DCC: variants seen among roughly 807,000 people sequenced by gnomAD.
DCC encodes the protein netrin receptor DCC.
DCC carries 58 observed loss-of-function variants against 172.5 expected under a neutral mutation model. The observed-to-expected ratio is 0.34, with a 90% CI of 0.27 to 0.42. DCC has a LOEUF of 0.42. Ranked by LOEUF, DCC falls within the 10% of genes least tolerant of loss-of-function variation. The pLI, the probability that DCC is intolerant of heterozygous loss-of-function variation, is 1.00. For missense variants in DCC, 1,740 were observed against 1,791.0 expected (o/e 0.97, Z 0.51); for synonymous variants, 709 against 644.5 (o/e 1.10, Z -1.52).
chr18:52,572,870 C>A (rs1001453711), intron 1 of DCC, among the ~76,000 whole-genome samples: 1 of 152,168 alleles, frequency 6.6e-6, no homozygotes, highest in Non-Finnish European at 1.5e-5. Context: ...GTGACTGATC[C>A]ACTTAATGTC....
At chr18:53,459,165 C>A in intron 23 of DCC, 67 bp from the exon 24 acceptor site, 1 of 1,246,238 alleles carries the variant, frequency 8.0e-7, no homozygotes, top group Non-Finnish European at 1.2e-6. Context: ...CTTGAATTGA[C>A]TGATGAAAGA....
chr18:52,670,400 A>C (rs2035530122), intron 1 of DCC, among the ~76,000 whole-genome samples: 1 of 152,208 alleles, frequency 6.6e-6, no homozygotes, highest in Non-Finnish European at 1.5e-5. Context: ...GTCTAAGTAA[A>C]ATGCTATCAC....
intron 28 of DCC, among the ~76,000 whole-genome samples, chr18:53,529,963 G>T (rs553242383): frequency 6.4e-4 from 98 of 152,182 alleles, no homozygotes; most frequent in African/African-American, 2.2e-3. Context: ...CATGAATTTT[G>T]TTTCCACACA....
At chr18:52,830,994 A>G (rs1022150534) in intron 2 of DCC, among the ~76,000 whole-genome samples, 1 of 152,128 alleles carries the variant, frequency 6.6e-6, no homozygotes, top group Admixed American at 6.5e-5. Context: ...TATAGATCTC[A>G]GGGCATAGGG....
chr18:53,444,036 T>C lies in DCC; in HGVS notation c.3230-6464T>C, dbSNP rs1471034587. Among the ~76,000 whole-genome samples, 4 of 152,326 alleles carry C rather than the reference T, an allele frequency of 2.6e-5. No individual in the cohort carries two copies. The East Asian group carries it at 7.7e-4, about 29-fold the overall frequency. On this transcript the variant is annotated intron_variant, in intron 22 of 28. Transcript: ENST00000442544. ...TGAAATCTACTGCTAGTGAAGATGT[T>C]GTGAATATTTTTGAAGTGACAATGA... is the stretch of plus-strand genomic sequence containing the variant.
chr18:52,709,995 T>A (rs1423273439), intron 1 of DCC, among the ~76,000 whole-genome samples: 2 of 152,220 alleles, frequency 1.3e-5, no homozygotes, highest in African/African-American at 4.8e-5. Flanking sequence ...CAGACCCTGG[T>A]GGTGGGATTG....
At chr18:52,359,721 T>C (rs890829776) in intron 1 of DCC, among the ~76,000 whole-genome samples, 1 of 152,220 alleles carries the variant, frequency 6.6e-6, no homozygotes, top group African/African-American at 2.4e-5. Flanking sequence ...TCTAGACTTC[T>C]TTTTATGCTA....
Position 52,629,419 on chromosome 18 carries a change from CTTAG to C in DCC, c.92-122626_92-122623del, listed in dbSNP as rs566934710. On this transcript the variant is annotated intron_variant, in intron 1 of 28. Coordinates refer to ENST00000442544, the MANE Select transcript of DCC (RefSeq NM_005215.4). ...TATGGAAATGTGGGCATTACTAAGT[CTTAG>C]TTAGTTAGAACCTTACTCAGATACT... Among the ~76,000 whole-genome samples, 24 of 152,214 alleles carry C rather than the reference CTTAG, an allele frequency of 1.6e-4. No individual in the cohort carries two copies. The South Asian group carries it at 3.1e-3, about 20-fold the overall frequency.
intron 15 of DCC, among the ~76,000 whole-genome samples, chr18:53,341,222 A>AG (rs1185077459): frequency 2.6e-5 from 4 of 152,190 alleles, no homozygotes; most frequent in African/African-American, 9.7e-5. Flanking sequence ...AGACAGAGGG[A>AG]GGGAGGTGCC....
At chr18:52,493,214 G>T (rs1289735379) in intron 1 of DCC, among the ~76,000 whole-genome samples, 1 of 151,982 alleles carries the variant, frequency 6.6e-6, no homozygotes, top group Non-Finnish European at 1.5e-5. Flanking sequence ...CAGAATGGCT[G>T]CTCCTCCCAG....
chr18:52,730,104 T>TA (rs888436342), intron 1 of DCC, among the ~76,000 whole-genome samples: 4 of 152,234 alleles, frequency 2.6e-5, no homozygotes, highest in Admixed American at 2.0e-4. Context: ...ATGATTTTTT[T>TA]AAAAAAATGA....
chr18:53,243,495 A>G (rs1249146862), intron 12 of DCC, among the ~76,000 whole-genome samples: 1 of 152,290 alleles, frequency 6.6e-6, no homozygotes, highest in Non-Finnish European at 1.5e-5. Flanking sequence ...CTAACAAATG[A>G]GATGAGGCAG....
intron 1 of DCC, among the ~76,000 whole-genome samples, chr18:52,489,078 T>C (rs2030370238): frequency 6.6e-6 from 1 of 152,120 alleles, no homozygotes; most frequent in South Asian, 2.1e-4. Context: ...TTTATTAAAA[T>C]GTTTCTCAAA....
intron 7 of DCC, among the ~76,000 whole-genome samples, chr18:53,074,985 C>A (rs2042705430): frequency 6.6e-6 from 1 of 152,120 alleles, no homozygotes; most frequent in African/African-American, 2.4e-5. Flanking sequence ...TAAATTGCCA[C>A]ACAAATGTTA....
rs984643519 is a variant in DCC, at chr18:53,065,924, C to T, written c.1141-122C>T. Reference sequence around the variant, plus strand: ...ACACGTCTGCGAGGCTGAGACCCCTCATGGCCTCTCCTCTTGTTTCTTCTG... The same window carrying T: ...ACACGTCTGCGAGGCTGAGACCCCTTATGGCCTCTCCTCTTGTTTCTTCTG... On this transcript the variant is annotated intron_variant, in intron 6 of 28. Transcript: ENST00000442544. 4 of 1,181,362 alleles carry T rather than the reference C, an allele frequency of 3.4e-6. No individual in the cohort carries two copies. In the African/African-American group the frequency reaches 6.0e-5, roughly 18 times the overall value. 73.2% of individuals were successfully genotyped at this position (1,181,362 alleles called of 1,614,324 possible). A position where few individuals can be genotyped will look rare whatever the true frequency, so the allele number is the denominator to read the frequency against.
At chr18:53,176,205 G>T (rs1317600999) in intron 8 of DCC, among the ~76,000 whole-genome samples, 1 of 132,178 alleles carries the variant, frequency 7.6e-6, no homozygotes, top group Non-Finnish European at 1.6e-5. Context: ...TTAAATGTTA[G>T]ACCTAAAACC....
At chr18:52,542,266 GA>G (rs544378899) in intron 1 of DCC, among the ~76,000 whole-genome samples, 5 of 151,240 alleles carry the variant, frequency 3.3e-5, no homozygotes, top group African/African-American at 9.7e-5. Context: ...GAAAAATGCT[GA>G]AAAAAAATAA....
At chr18:53,133,138 T>TCAA (rs1272683267) in intron 7 of DCC, among the ~76,000 whole-genome samples, 3 of 152,336 alleles carry the variant, frequency 2.0e-5, no homozygotes, top group Non-Finnish European at 4.4e-5. Context: ...CATTTTCTTG[T>TCAA]TGTCTGTATT....
At chr18:53,066,318 AT>A in intron 7 of DCC, 152 bp downstream of exon 7, 1 of 590,704 alleles carries the variant, frequency 1.7e-6, no homozygotes, top group African/African-American at 2.1e-5. Context: ...TATTGATGAC[AT>A]TTTCCCTCTA....
Sources: gnomAD v4.1 joint callset for allele counts (sites outside exome capture counted in the v4.1 genomes callset) on GRCh38, gnomAD v4.1.1 for gene constraint, MANE v1.5 for transcripts, NCBI Gene and HGNC (gene_info 2026-07-23, HGNC 2026-07-21) for gene names.